Variants in VPS13D observed in about 807,000 individuals in gnomAD.
VPS13D encodes vacuolar protein sorting 13 homolog D.
A neutral mutation model predicts 461.9 loss-of-function variants in VPS13D; 187 were observed. The observed-to-expected ratio is 0.40, with a 90% CI of 0.36 to 0.46. VPS13D has a LOEUF of 0.46. VPS13D is among the 20% of genes least tolerant of loss of function. The pLI is 0.60. For missense variants in VPS13D, 4,711 were observed against 5,364.9 expected, an observed-to-expected ratio of 0.88 and a Z score of 3.81; for synonymous variants, 1,951 against 1,986.3, an observed-to-expected ratio of 0.98 and a Z score of 0.47.
At chr1:12,395,996 G>T (rs1464008135) in intron 60 of VPS13D, among the ~76,000 whole-genome samples, 20 of 73,712 alleles carry the variant, frequency 2.7e-4, no homozygotes, top group African/African-American at 7.6e-4. Context: ...ACTAATAGGA[G>T]ATATATATAT....
chr1:12,431,086 C>CT (rs1292357668), intron 65 of VPS13D, among the ~76,000 whole-genome samples: 1 of 152,166 alleles, frequency 6.6e-6, no homozygotes, highest in African/African-American at 2.4e-5. Context: ...CTGTGTCTAA[C>CT]TTATGTTAAA....
rs1644244293 is a variant in VPS13D at position 12,379,526 on chromosome 1, G to A, written c.11120G>A (p.Arg3707Gln). 3.1e-6 allele frequency: 5 copies of A among 1,613,420 alleles called. No homozygotes were observed. The highest frequency in any genetic ancestry group is 1.1e-5 in the South Asian group (1 of 90,938). Residue 3707 changes from arginine (R) to glutamine (Q), a missense_variant, in exon 57 of 70, where the codon CGA becomes CAA. Physicochemically the swap from Arg to Gln is conservative, Grantham distance 43 (BLOSUM62 1). Coordinates refer to ENST00000620676, the MANE Select transcript of VPS13D (RefSeq NM_015378.4). ...ATGCTGAGAAAGCCTGACCGCAGGCGAAGCACAACTCAGACGTGGAGTTTC... is the reference window on the plus strand; with the variant it reads ...ATGCTGAGAAAGCCTGACCGCAGGCAAAGCACAACTCAGACGTGGAGTTTC... ...PLMLRKPDRR[R>Q]STTQTWSFRE... is the part of the protein sequence containing the mutation.
rs141367773 is a variant in VPS13D, at chr1:12,277,599, C to T, written c.4011C>T (p.Ser1337=). The change falls in exon 19 of 70, where the codon AGC becomes AGT. Residue 1337 remains serine (S), a synonymous_variant. Coordinates refer to ENST00000620676, the MANE Select transcript of VPS13D (RefSeq NM_015378.4). The part of the protein sequence containing the change: ...TVLATKTAEY[S]EMVSLFETPR... ...TAGCTACCAAGACTGCCGAGTATAG[C>T]GAGATGGTATCGCTCTTTGAAACTC... 1.3e-5 allele frequency: 21 copies of T among 1,613,726 alleles called. No individual in the cohort carries two copies. Among genetic ancestry groups the T allele is most frequent in the Middle Eastern group, 1.6e-4 (1 of 6,084 alleles).
At chr1:12,258,204 T>A (rs1342856450) in intron 10 of VPS13D, 101 bp downstream of exon 10, 2 of 1,422,450 alleles carry the variant, frequency 1.4e-6, no homozygotes, top group African/African-American at 2.9e-5. Flanking sequence ...TAAAGTCCCA[T>A]GCCAAAGGGG....
chr1:12,455,457 A>G lies in VPS13D; in HGVS notation c.12334-541A>G, dbSNP rs1471599320. Among the ~76,000 whole-genome samples, 9 of 152,356 alleles carry G rather than the reference A, an allele frequency of 5.9e-5. 1 individual carries two copies. In the South Asian group the frequency reaches 8.3e-4, roughly 14 times the overall value. On this transcript the variant is annotated intron_variant, in intron 65 of 69. Coordinates refer to ENST00000620676, the MANE Select transcript of VPS13D (RefSeq NM_015378.4). Reference sequence around the variant, plus strand: ...ATTTTTTCAGTAAATTTGGAGTAGTATTCTGGAAAGTGAATGTCATTAAAG... The same window carrying G: ...ATTTTTTCAGTAAATTTGGAGTAGTGTTCTGGAAAGTGAATGTCATTAAAG...
intron 20 of VPS13D, among the ~76,000 whole-genome samples, chr1:12,281,974 A>C (rs1203357948): frequency 1.3e-5 from 2 of 150,440 alleles, no homozygotes; most frequent in African/African-American, 4.9e-5. Context: ...TGTGTCCTGC[A>C]CCTCCTGGGC....
chr1:12,403,164 T>C (rs1010492789), intron 62 of VPS13D, among the ~76,000 whole-genome samples: 1 of 152,256 alleles, frequency 6.6e-6, no homozygotes, highest in Non-Finnish European at 1.5e-5. Context: ...CAAAATATGC[T>C]GCCCAGTTGG....
intron 63 of VPS13D, among the ~76,000 whole-genome samples, chr1:12,414,037 A>T (rs528815414): frequency 6.6e-6 from 1 of 152,218 alleles, no homozygotes; most frequent in Non-Finnish European, 1.5e-5. Context: ...TAATCGCAGC[A>T]CTTTGGGATG....
intron 37 of VPS13D, among the ~76,000 whole-genome samples, chr1:12,330,760 G>A (rs989868864): frequency 6.6e-6 from 1 of 151,960 alleles, no homozygotes; most frequent in Non-Finnish European, 1.5e-5. Flanking sequence ...TAGAGATGGG[G>A]TTTCACCAGA....
At position 12,473,476 on chromosome 1, in the gene VPS13D, G is replaced by A. The variant is rs986341610; in HGVS notation, c.12662+13080G>A. ...GTTGGCCCTGGGTTTGAGTCATTGG[G>A]CTGCTGCTTGGCTGTGACCTGGAAC... On this transcript the variant is annotated intron_variant, in intron 67 of 69. Transcript: ENST00000620676. The surrounding 1 kb of genome is among the most constrained non-coding windows in gnomAD (Gnocchi z 4.2). 2.0e-5 allele frequency among the ~76,000 whole-genome samples: 3 copies of A among 152,168 alleles called. No individual in the cohort carries two copies. The highest frequency in any genetic ancestry group is 4.4e-5 in the Non-Finnish European group (3 of 68,038).
chr1:12,504,657 C>T (rs1016309617), intron 68 of VPS13D, among the ~76,000 whole-genome samples: 5 of 152,252 alleles, frequency 3.3e-5, no homozygotes, highest in African/African-American at 4.8e-5. Flanking sequence ...TTCCTGCCAG[C>T]TCGGCCTGTG....
rs561319964 is a variant in VPS13D at position 12,256,800 on chromosome 1, T to C, written c.841-187T>C. 5.9e-5 allele frequency among the ~76,000 whole-genome samples: 9 copies of C among 152,120 alleles called. No homozygotes were observed. The South Asian group carries it at 1.9e-3, about 32-fold the overall frequency. On this transcript the variant is annotated intron_variant, in intron 8 of 69. Coordinates refer to ENST00000620676, the MANE Select transcript of VPS13D (RefSeq NM_015378.4). The stretch of plus-strand genomic sequence containing the variant: ...AAAAAATACAAGAGATACGGCAATG[T>C]ATAGGCTTAACTGTCAGGGTTCAGA...
chr1:12,338,449 A>G (rs1400583446), intron 40 of VPS13D, 144 bp downstream of exon 40: 3 of 677,416 alleles, frequency 4.4e-6, no homozygotes, highest in African/African-American at 1.8e-5. Context: ...AACATTTCCA[A>G]CTGATGAACA....
intron 50 of VPS13D, among the ~76,000 whole-genome samples, chr1:12,359,202 A>G (rs1338499625): frequency 1.3e-5 from 2 of 152,218 alleles, no homozygotes; most frequent in Non-Finnish European, 2.9e-5. Context: ...TAGCCACTTG[A>G]GAACGCTCAA....
At chr1:12,311,390 G>A (rs893488109) in intron 27 of VPS13D, 64 bp from the exon 28 acceptor site, 273 of 1,488,408 alleles carry the variant, frequency 1.8e-4, no homozygotes, top group Non-Finnish European at 1.3e-4. Context: ...TTGTTTGGGC[G>A]TGAGCTATGT....
chr1:12,423,310 C>T (rs192044515), intron 65 of VPS13D, among the ~76,000 whole-genome samples: 124 of 152,254 alleles, frequency 8.1e-4, no homozygotes, highest in Admixed American at 2.0e-3. Context: ...CATCTCAGTT[C>T]TCATTTTTAA....
In VPS13D at chr1:12,293,563, C is replaced by A; in HGVS notation, c.5892C>A (p.Asp1964Glu). 1 of 1,613,918 alleles carries A rather than the reference C, an allele frequency of 6.2e-7. No individual in the cohort carries two copies. Among genetic ancestry groups the A allele is most frequent in the Non-Finnish European group, 8.5e-7 (1 of 1,179,866 alleles). Residue 1964 changes from aspartate to glutamate, a missense_variant, in exon 24 of 70, where the codon GAC (aspartate) becomes GAA (glutamate). Physicochemically the swap from Asp to Glu is conservative, Grantham distance 45. Coordinates refer to ENST00000620676, the MANE Select transcript of VPS13D (RefSeq NM_015378.4). ...ACCCTCTGCTCCGGAGAGAACACGA[C>A]ATTCGCGTGAGCCTCCGGATGGCCT... Reference protein sequence around the residue: ...RPDPLLRREHDIRVSLRMASV... With the variant: ...RPDPLLRREHEIRVSLRMASV...
rs559914658 is a variant in VPS13D, at chr1:12,244,581, C to T, written c.411C>T (p.Thr137=). The T allele has an allele frequency of 4.3e-5, 69 of 1,614,086 alleles. No homozygotes were observed. Among genetic ancestry groups the T allele is most frequent in the South Asian group, 2.6e-4 (24 of 91,086 alleles). ...QKGESYWYSV[T]ASVVTRIVEN... ...GGGAGTCCTATTGGTATTCAGTTACCGCCTCCGTAGTTACAAGGATTGTGG... is the reference window on the plus strand; with the variant it reads ...GGGAGTCCTATTGGTATTCAGTTACTGCCTCCGTAGTTACAAGGATTGTGG... Residue 137 remains threonine, a synonymous_variant, in exon 5 of 70, where the codon ACC becomes ACT. Coordinates refer to ENST00000620676, the MANE Select transcript of VPS13D (RefSeq NM_015378.4).
intron 57 of VPS13D, 113 bp downstream of exon 57, chr1:12,379,709 G>A (rs1000275836): frequency 1.5e-6 from 1 of 654,118 alleles, no homozygotes; most frequent in Non-Finnish European, 2.6e-6. Flanking sequence ...TAGTTACAGA[G>A]CAATACTTAT....
Sources: allele counts gnomAD v4.1 joint callset (sites outside exome capture counted in the v4.1 genomes callset), GRCh38; gene constraint gnomAD v4.1.1; non-coding constraint Gnocchi (gnomAD v3.1); transcripts MANE v1.5; gene names NCBI Gene and HGNC (gene_info 2026-07-23, HGNC 2026-07-21).